DLGAP1: variants seen among roughly 807,000 people sequenced by gnomAD.
The protein encoded by DLGAP1 is DLG associated protein 1, also known as disks large-associated protein 1.
In DLGAP1, 11 loss-of-function variants were observed where a neutral mutation model predicts 90.8. That is an observed-to-expected ratio of 0.12 (90% CI 0.08 to 0.20). The LOEUF (loss-of-function observed/expected upper bound fraction) is 0.20, where lower values mean the gene tolerates loss of function less well. Among genes scored for constraint, DLGAP1 ranks in the 10% least tolerant of loss-of-function variants. The pLI, the probability that DLGAP1 is intolerant of heterozygous loss-of-function variation, is 1.00. For missense variants in DLGAP1, 1,050 were observed against 1,333.8 expected (o/e 0.79, Z 3.31); for synonymous variants, 558 against 540.7 (o/e 1.03, Z -0.44).
intron 3 of DLGAP1, among the ~76,000 whole-genome samples, chr18:3,926,411 T>TACACACACAC (rs1302685888): frequency 1.9e-5 from 1 of 51,654 alleles, no homozygotes; most frequent in African/African-American, 5.3e-5. Flanking sequence ...CATATATATA[T>TACACACACAC]ATATATATAT....
chr18:3,964,562 G>C (rs2073279446), intron 3 of DLGAP1, among the ~76,000 whole-genome samples: 1 of 152,204 alleles, frequency 6.6e-6, no homozygotes, highest in African/African-American at 2.4e-5. Context: ...TTCGCTAGGA[G>C]TTGTCGCTGC....
At chr18:3,773,105 AATTT>A (rs986718583) in intron 5 of DLGAP1, among the ~76,000 whole-genome samples, 1 of 151,974 alleles carries the variant, frequency 6.6e-6, no homozygotes, top group Admixed American at 6.6e-5. Flanking sequence ...GGGACTTAAA[AATTT>A]TTTTTTATTT....
At chr18:4,248,414 CTTCT>C (rs756501244) in intron 1 of DLGAP1, among the ~76,000 whole-genome samples, 41 of 152,128 alleles carry the variant, frequency 2.7e-4, no homozygotes, top group Admixed American at 5.9e-4. Context: ...GCTTTCTTTT[CTTCT>C]TTATTATTTT....
At chr18:3,908,677 C>A (rs1289392453) in intron 3 of DLGAP1, among the ~76,000 whole-genome samples, 1 of 152,124 alleles carries the variant, frequency 6.6e-6, no homozygotes, top group East Asian at 1.9e-4. Flanking sequence ...GGCTAACTCA[C>A]AAATATACTT....
chr18:4,038,461 T>C (rs895418654), intron 2 of DLGAP1, among the ~76,000 whole-genome samples: 9 of 152,000 alleles, frequency 5.9e-5, no homozygotes, highest in South Asian at 2.1e-4. Context: ...GAGGCAGGAA[T>C]GAAAACCGCT....
intron 1 of DLGAP1, among the ~76,000 whole-genome samples, chr18:4,348,304 T>C (rs1258970902): frequency 6.6e-6 from 1 of 151,984 alleles, no homozygotes; most frequent in African/African-American, 2.4e-5. Flanking sequence ...AGTTTCTCAA[T>C]GTTAAAAAGA....
intron 7 of DLGAP1, among the ~76,000 whole-genome samples, chr18:3,613,371 G>A (rs2145925851): frequency 1.3e-5 from 2 of 152,122 alleles, no homozygotes; most frequent in Middle Eastern, 6.8e-3. Flanking sequence ...ACTCACTGTT[G>A]CCCAGGCTGG....
At chr18:4,051,990 G>A (rs969818222) in intron 2 of DLGAP1, among the ~76,000 whole-genome samples, 6 of 152,214 alleles carry the variant, frequency 3.9e-5, no homozygotes, top group African/African-American at 1.4e-4. Flanking sequence ...TCCAGGTCAC[G>A]GTGATGAAAG....
chr18:4,173,389 C>T (rs1320789851), intron 1 of DLGAP1, among the ~76,000 whole-genome samples: 1 of 152,084 alleles, frequency 6.6e-6, no homozygotes, highest in African/African-American at 2.4e-5. Flanking sequence ...TTGCTGAAGG[C>T]TGAAAGGTGG....
At chr18:3,823,978 A>AAAAAAAC (rs375281021) in intron 4 of DLGAP1, among the ~76,000 whole-genome samples, 1 of 141,514 alleles carries the variant, frequency 7.1e-6, no homozygotes, top group Non-Finnish European at 1.5e-5. Flanking sequence ...AAAAAAAAAA[A>AAAAAAAC]TAGAGGTCTA....
chr18:3,969,368 G>A (rs2073396563), intron 3 of DLGAP1, among the ~76,000 whole-genome samples: 2 of 152,080 alleles, frequency 1.3e-5, no homozygotes, highest in South Asian at 2.1e-4. Context: ...GGTCTCCTAC[G>A]GTTACCACTG....
Position 3,879,254 on chromosome 18 carries a change from G to T in DLGAP1, c.815C>A (p.Pro272Gln), listed in dbSNP as rs762517818. 32 of 1,598,596 alleles carry T rather than the reference G, an allele frequency of 2.0e-5. No individual in the cohort carries two copies. The African/African-American group carries it at 3.6e-4, about 18-fold the overall frequency. Residue 272 changes from proline to glutamine, a missense_variant, in exon 4 of 13, where the codon CCG becomes CAG. Physicochemically the swap from Pro to Gln is moderately conservative, Grantham distance 76 (BLOSUM62 -1). Coordinates refer to ENST00000315677, the MANE Select transcript of DLGAP1 (RefSeq NM_004746.4). This position sits in a 1 kb window ranked among gnomAD's most constrained non-coding sequence, Gnocchi z 6.6. ...CANLPVSLDT[P>Q]LLKKSAWSST... ...GGACCAGGCGCTCTTCTTCAGCAGC[G>T]GGGTGTCCAGGCTGACCGGCAGGTT... is the stretch of plus-strand genomic sequence containing the variant.
At position 4,454,473 on chromosome 18, in the gene DLGAP1, G is replaced by A. The variant is rs1240013583; in HGVS notation, c.-267+533C>T. 6.6e-6 allele frequency among the ~76,000 whole-genome samples: 1 copy of A among 151,942 alleles called. No homozygotes were observed. Among genetic ancestry groups the A allele is most frequent in the East Asian group, 1.9e-4 (1 of 5,134 alleles). ...GTTTCTTTGGCTTTCTCTTACAAAC[G>A]CACGGGGGAGTTGGTCCTTTTCCAC... On this transcript the variant is annotated intron_variant, in intron 1 of 12. Transcript: ENST00000315677. The surrounding 1 kb of genome is among the most constrained non-coding windows in gnomAD (Gnocchi z 4.7).
At position 4,448,296 on chromosome 18, in the gene DLGAP1, T is replaced by C. The variant is rs144827657; in HGVS notation, c.-267+6710A>G. On this transcript the variant is annotated intron_variant, in intron 1 of 12. Transcript: ENST00000315677. ...ATTTCCTACATTTTAATCGTATTCT[T>C]TGTATTACATTTCAAGCTACCCAAG... Among the ~76,000 whole-genome samples, 578 of 152,298 alleles carry C rather than the reference T, an allele frequency of 3.8e-3. 4 individuals carry two copies. The highest frequency in any genetic ancestry group is 0.01 in the African/African-American group (427 of 41,572).
intron 10 of DLGAP1, among the ~76,000 whole-genome samples, chr18:3,520,538 C>G (rs1466135706): frequency 6.6e-6 from 1 of 152,068 alleles, no homozygotes; most frequent in Non-Finnish European, 1.5e-5. Flanking sequence ...TCTCATGGGC[C>G]CTAATCCACT....
rs1357106 is a variant in DLGAP1 at position 4,159,980 on chromosome 18, C to T, written c.-266-8693G>A. On this transcript the variant is annotated intron_variant, in intron 1 of 12. Transcript: ENST00000315677. ...TGCCTCCCACACCAACTCACTTCTT[C>T]GCAAATAAGATGATTTTGGGATCCT... 7.2e-4 allele frequency among the ~76,000 whole-genome samples: 109 copies of T among 152,290 alleles called. 2 individuals are homozygous for T. Among genetic ancestry groups the T allele is most frequent in the Middle Eastern group, 3.4e-3 (1 of 294 alleles).
intron 10 of DLGAP1, among the ~76,000 whole-genome samples, chr18:3,531,297 C>T (rs1216832210): frequency 2.0e-5 from 3 of 151,914 alleles, no homozygotes; most frequent in Non-Finnish European, 4.4e-5. Context: ...ATTAGCTTGG[C>T]ATGGTGGCAG....
intron 7 of DLGAP1, among the ~76,000 whole-genome samples, chr18:3,710,086 C>T (rs115782602): frequency 1.3e-5 from 2 of 152,168 alleles, no homozygotes; most frequent in African/African-American, 4.8e-5. Flanking sequence ...TGTGTGGCTA[C>T]GTTTAGCACA....
intron 2 of DLGAP1, among the ~76,000 whole-genome samples, chr18:4,022,424 C>CACACCA (rs57508669): frequency 6.8e-6 from 1 of 147,292 alleles, no homozygotes; most frequent in Non-Finnish European, 1.5e-5. Context: ...CACACACACA[C>CACACCA]CACACACACA....
Sources: allele counts gnomAD v4.1 joint callset (sites outside exome capture counted in the v4.1 genomes callset), GRCh38; gene constraint gnomAD v4.1.1; non-coding constraint Gnocchi (gnomAD v3.1); transcripts MANE v1.5; gene names NCBI Gene and HGNC (gene_info 2026-07-23, HGNC 2026-07-21).